The following PADI1 variants were observed in gnomAD, a reference collection of about 807,000 sequenced individuals.
PADI1 encodes the protein protein-arginine deiminase type-1.
Under a neutral mutation model 74.8 loss-of-function variants are expected in PADI1, and 65 were observed. The ratio of observed to expected loss-of-function variants is 0.87; its 90% CI spans 0.71 to 1.07. The LOEUF (loss-of-function observed/expected upper bound fraction) is 1.07. Ranked by LOEUF, PADI1 falls within the 50% of genes least tolerant of loss-of-function variation. PADI1 has a pLI of 0.00. For synonymous variants in PADI1, 371 were observed against 336.2 expected (o/e 1.10, Z -1.13); for missense variants, 943 against 854.0 (o/e 1.10, Z -1.30).
chr1:17,237,360 G>T lies in PADI1; in HGVS notation c.1360G>T (p.Ala454Ser), dbSNP rs552248272. 49 of 1,613,128 alleles carry T rather than the reference G, an allele frequency of 3.0e-5. 1 individual carries two copies. In the South Asian group the frequency reaches 5.1e-4, roughly 17 times the overall value. The change falls in exon 12 of 16, where the codon GCA becomes TCA. Residue 454 changes from alanine (A) to serine (S), a missense_variant. Coordinates refer to ENST00000375471, the MANE Select transcript of PADI1 (RefSeq NM_013358.3). The stretch of plus-strand genomic sequence containing the variant: ...CAGGGCAGTGCGGAACTTCCTGAAG[G>T]CACAGCAGGTGCAGGCACCCGTGGA... Reference protein sequence around the residue: ...MARAVRNFLKAQQVQAPVELY... With the variant: ...MARAVRNFLKSQQVQAPVELY...
intron 1 of PADI1, among the ~76,000 whole-genome samples, chr1:17,214,503 G>A (rs2071921237): frequency 6.6e-6 from 1 of 152,070 alleles, no homozygotes; most frequent in Non-Finnish European, 1.5e-5. Flanking sequence ...TATTTGGAGG[G>A]GTGCTTTCAA....
At position 17,230,593 on chromosome 1, in the gene PADI1, A is replaced by C; in HGVS notation, c.1075A>C (p.Ile359Leu). ...CCAGGACGAGATGGAGTTTGGCTACATCGAGGCCCCTCACAAATCCTTCCC... is the reference window on the plus strand; with the variant it reads ...CCAGGACGAGATGGAGTTTGGCTACCTCGAGGCCCCTCACAAATCCTTCCC... ...WIQDEMEFGY[I>L]EAPHKSFPVV... Residue 359 changes from isoleucine (I) to leucine (L), a missense_variant, in exon 10 of 16, where the codon ATC (isoleucine) becomes CTC (leucine). By Grantham distance (5) the Ile-to-Leu change is conservative. Coordinates refer to ENST00000375471, the MANE Select transcript of PADI1 (RefSeq NM_013358.3). The C allele has an allele frequency of 6.2e-7, 1 of 1,611,678 alleles. No homozygotes were observed. Among genetic ancestry groups the C allele is most frequent in the Non-Finnish European group, 8.5e-7 (1 of 1,178,876 alleles).
chr1:17,226,305 T>C, intron 6 of PADI1, 147 bp downstream of exon 6: 1 of 855,212 alleles, frequency 1.2e-6, no homozygotes, highest in Admixed American at 2.5e-5. Context: ...AATATAGTCC[T>C]CAAGGAGGAG....
In PADI1 at chr1:17,213,516, C is replaced by G. The variant is rs2071888927; in HGVS notation, c.92+8207C>G. ...GTGTCTCTGGCGATGTATTTTCCTACTTTCTGTAATCAATCTGCTTTCCTT... is the reference window on the plus strand; with the variant it reads ...GTGTCTCTGGCGATGTATTTTCCTAGTTTCTGTAATCAATCTGCTTTCCTT... On this transcript the variant is annotated intron_variant, in intron 1 of 15. Coordinates refer to ENST00000375471, the MANE Select transcript of PADI1 (RefSeq NM_013358.3). 2.0e-5 allele frequency among the ~76,000 whole-genome samples: 3 copies of G among 152,210 alleles called. No homozygotes were observed. The South Asian group carries it at 6.2e-4, about 31-fold the overall frequency.
At chr1:17,211,103 C>T (rs933375703) in intron 1 of PADI1, among the ~76,000 whole-genome samples, 1 of 152,212 alleles carries the variant, frequency 6.6e-6, no homozygotes, top group South Asian at 2.1e-4. Context: ...GTCCTATTAA[C>T]GACAGGGCCC....
chr1:17,214,265 A>C (rs886116070), intron 1 of PADI1, among the ~76,000 whole-genome samples: 2 of 152,162 alleles, frequency 1.3e-5, no homozygotes, highest in Non-Finnish European at 2.9e-5. Context: ...CATGCTCCAC[A>C]CAGAACCCAC....
chr1:17,213,150 C>T lies in PADI1; in HGVS notation c.92+7841C>T, dbSNP rs117279662. ...CCTGAGTAAAGTTACTTAACTTCTC[C>T]GAGATTTCTTCATCTGTGAAGTGGG... On this transcript the variant is annotated intron_variant, in intron 1 of 15. Transcript: ENST00000375471. Among the ~76,000 whole-genome samples, 37 of 68,986 alleles carry T rather than the reference C, an allele frequency of 5.4e-4. 1 individual carries two copies. The East Asian group carries it at 0.019, about 36-fold the overall frequency. 45.3% of individuals were successfully genotyped at this position (68,986 alleles called of 152,430 possible). A position where few individuals can be genotyped will look rare whatever the true frequency, so the allele number is the denominator to read the frequency against.
chr1:17,222,985 C>T (rs892281869), intron 2 of PADI1, among the ~76,000 whole-genome samples: 1 of 121,488 alleles, frequency 8.2e-6, no homozygotes, highest in Non-Finnish European at 1.7e-5. Flanking sequence ...GGCCCTTTCT[C>T]CCCGACAGGG....
Position 17,244,257 on chromosome 1 carries a change from C to A in PADI1, c.*14C>A, listed in dbSNP as rs747457669. The stretch of plus-strand genomic sequence containing the variant: ...ATGGTGCCCTGAGCCTGCCCCCACC[C>A]GCCATCCTCTCTGCCCTCTTGCTAG... On this transcript the variant is annotated 3_prime_UTR_variant, in exon 16 of 16. Coordinates refer to ENST00000375471, the MANE Select transcript of PADI1 (RefSeq NM_013358.3). 10 of 1,587,758 alleles carry A rather than the reference C, an allele frequency of 6.3e-6. No individual in the cohort carries two copies. The highest frequency in any genetic ancestry group is 6.9e-6 in the Non-Finnish European group (8 of 1,155,926).
At chr1:17,214,109 A>G (rs1430039768) in intron 1 of PADI1, among the ~76,000 whole-genome samples, 1 of 152,190 alleles carries the variant, frequency 6.6e-6, no homozygotes, top group Non-Finnish European at 1.5e-5. Context: ...TTCTGAGAAG[A>G]GTAATTGTAA....
At position 17,238,717 on chromosome 1, in the gene PADI1, C is replaced by T. The variant is rs375419177; in HGVS notation, c.1552+8C>T. ...AGGCAGCCCAGTTTGATGGTGAGTG[C>T]CAATGACCCGGTCACCCCTGGGGGA... On this transcript the variant is annotated splice_region_variant and intron_variant, in intron 13 of 15. Transcript: ENST00000375471. 52 of 1,452,090 alleles carry T rather than the reference C, an allele frequency of 3.6e-5. No individual in the cohort carries two copies. Among genetic ancestry groups the T allele is most frequent in the Non-Finnish European group, 4.7e-5 (51 of 1,076,222 alleles). 90.0% of individuals were successfully genotyped at this position (1,452,090 alleles called of 1,614,324 possible).
In PADI1 at chr1:17,230,555, C is replaced by A; in HGVS notation, c.1054-17C>A. The A allele has an allele frequency of 1.9e-6, 3 of 1,568,170 alleles. No homozygotes were observed. The East Asian group carries it at 6.7e-5, about 35-fold the overall frequency. ...CCGAAAAAGGTCACTGTGGCTTTTT[C>A]ATCTCTCCCCTCCCAGGACGAGATG... is the stretch of plus-strand genomic sequence containing the variant. On this transcript the variant is annotated splice_polypyrimidine_tract_variant and intron_variant, in intron 9 of 15. Coordinates refer to ENST00000375471, the MANE Select transcript of PADI1 (RefSeq NM_013358.3).
intron 13 of PADI1, among the ~76,000 whole-genome samples, chr1:17,239,327 C>A (rs1048075122): frequency 3.3e-5 from 5 of 152,174 alleles, no homozygotes; most frequent in African/African-American, 1.2e-4. Flanking sequence ...GTGTTCTGAA[C>A]CTCTCAGTGC....
Position 17,232,815 on chromosome 1 carries a change from A to G in PADI1, c.1162-4A>G, listed in dbSNP as rs2072531315. ...GGGTGGGGGTCTCGCTGGTTCTTCC[A>G]TAGGGTCCTGACTTTGGATATGTTA... On this transcript the variant is annotated splice_region_variant and splice_polypyrimidine_tract_variant and intron_variant, in intron 10 of 15. Coordinates refer to ENST00000375471, the MANE Select transcript of PADI1 (RefSeq NM_013358.3). 6.2e-7 allele frequency: 1 copy of G among 1,609,386 alleles called. No homozygotes were observed. The highest frequency in any genetic ancestry group is 8.5e-7 in the Non-Finnish European group (1 of 1,177,272).
intron 1 of PADI1, among the ~76,000 whole-genome samples, chr1:17,215,927 T>C (rs2071965718): frequency 6.6e-6 from 1 of 152,162 alleles, no homozygotes; most frequent in Non-Finnish European, 1.5e-5. Flanking sequence ...AAGCTGGGGT[T>C]GGGGAACCAG....
chr1:17,222,492 GA>G (rs1416145657), intron 2 of PADI1, 22 bp downstream of exon 2: 2 of 1,591,638 alleles, frequency 1.3e-6, no homozygotes, highest in Admixed American at 1.7e-5. Flanking sequence ...CTTTCTCATA[GA>G]AAAGGGTTGG....
intron 2 of PADI1, among the ~76,000 whole-genome samples, chr1:17,223,030 G>A (rs1368399837): frequency 4.6e-5 from 7 of 152,172 alleles, no homozygotes; most frequent in East Asian, 1.9e-4. Context: ...TGAGGGAGGG[G>A]CTCAGGAGCC....
chr1:17,225,149 A>G (rs1035595063), intron 4 of PADI1, among the ~76,000 whole-genome samples: 4 of 152,200 alleles, frequency 2.6e-5, no homozygotes, highest in South Asian at 2.1e-4. Context: ...GGCCCTGTGC[A>G]ATCCCAAGAA....
intron 4 of PADI1, among the ~76,000 whole-genome samples, chr1:17,225,300 A>T (rs2072276271): frequency 6.6e-6 from 1 of 152,222 alleles, no homozygotes; most frequent in South Asian, 2.1e-4. Context: ...CCACAGAGGC[A>T]GGGAGAGCTC....
Sources: allele counts gnomAD v4.1 joint callset (sites outside exome capture counted in the v4.1 genomes callset), GRCh38; gene constraint gnomAD v4.1.1; transcripts MANE v1.5; gene names NCBI Gene and HGNC (gene_info 2026-07-23, HGNC 2026-07-21).